Variants in CNTN5 observed in about 807,000 individuals in gnomAD.
CNTN5 encodes the protein contactin-5.
In CNTN5, 77 loss-of-function variants were observed where a neutral mutation model predicts 129.1. That is an observed-to-expected ratio of 0.60 (90% CI 0.50 to 0.72). CNTN5 has a LOEUF of 0.72. Ranked by LOEUF, CNTN5 falls within the 30% of genes least tolerant of loss-of-function variation. The probability of loss-of-function intolerance (pLI) is 0.00; values close to 1 mark genes in which losing one functional copy is unlikely to be tolerated. For missense variants in CNTN5, 1,478 were observed against 1,328.8 expected (o/e 1.11, Z -1.75); for synonymous variants, 509 against 465.6 (o/e 1.09, Z -1.20).
chr11:99,752,010 C>T (rs1944252726), intron 3 of CNTN5, among the ~76,000 whole-genome samples: 1 of 151,712 alleles, frequency 6.6e-6, no homozygotes, highest in African/African-American at 2.4e-5. Context: ...CCTCACCAGA[C>T]ACCAAATCCA....
chr11:99,300,809 A>C (rs1864601217), intron 1 of CNTN5, among the ~76,000 whole-genome samples: 1 of 152,018 alleles, frequency 6.6e-6, no homozygotes, highest in African/African-American at 2.4e-5. Flanking sequence ...GGCAGGTAAA[A>C]GTAACAATAA....
intron 7 of CNTN5, among the ~76,000 whole-genome samples, chr11:99,935,758 T>A (rs2136093466): frequency 6.6e-6 from 1 of 152,272 alleles, no homozygotes; most frequent in African/African-American, 2.4e-5. Flanking sequence ...CCTAGTCATT[T>A]GTGCACTAGT....
At chr11:99,456,295 G>C (rs745898597) in intron 2 of CNTN5, among the ~76,000 whole-genome samples, 6 of 152,052 alleles carry the variant, frequency 3.9e-5, no homozygotes, top group Admixed American at 6.6e-5. Flanking sequence ...GAAAACGTGA[G>C]AATGTTTTAG....
chr11:99,294,791 T>C (rs1202972206), intron 1 of CNTN5, among the ~76,000 whole-genome samples: 1 of 152,216 alleles, frequency 6.6e-6, no homozygotes, highest in African/African-American at 2.4e-5. Flanking sequence ...CAGTAGTTTC[T>C]CTTGGGCAGT....
At chr11:99,748,252 A>AT (rs1325686578) in intron 3 of CNTN5, among the ~76,000 whole-genome samples, 2 of 151,938 alleles carry the variant, frequency 1.3e-5, no homozygotes, top group East Asian at 3.9e-4. Flanking sequence ...CTCCTCTTTA[A>AT]TTTTAGGGAG....
intron 1 of CNTN5, among the ~76,000 whole-genome samples, chr11:99,149,139 C>T (rs982146803): frequency 3.3e-5 from 5 of 152,114 alleles, no homozygotes; most frequent in Non-Finnish European, 7.4e-5. Context: ...TAAGGATGAA[C>T]ATTTTAGCTA....
At chr11:99,921,086 AATC>A (rs879588174) in intron 7 of CNTN5, among the ~76,000 whole-genome samples, 4 of 152,202 alleles carry the variant, frequency 2.6e-5, no homozygotes, top group African/African-American at 4.8e-5. Context: ...GCTGTCACCT[AATC>A]CCAGACTTCC....
intron 4 of CNTN5, among the ~76,000 whole-genome samples, chr11:99,830,127 G>C (rs781679988): frequency 6.6e-6 from 1 of 152,032 alleles, no homozygotes; most frequent in South Asian, 2.1e-4. Flanking sequence ...TTTTTCGGGG[G>C]CGGGGAGCAT....
intron 17 of CNTN5, among the ~76,000 whole-genome samples, chr11:100,258,625 G>A (rs1232462458): frequency 7.3e-6 from 1 of 137,490 alleles, no homozygotes; most frequent in Non-Finnish European, 1.6e-5. Flanking sequence ...GAGAGTGGGG[G>A]CCAACATTCA....
At chr11:99,783,243 A>C (rs1363004241) in intron 3 of CNTN5, among the ~76,000 whole-genome samples, 1 of 103,762 alleles carries the variant, frequency 9.6e-6, no homozygotes. Context: ...TGGCCATCAG[A>C]GAAATGCAAA....
chr11:99,998,108 CCT>C (rs1480582274), intron 8 of CNTN5, among the ~76,000 whole-genome samples: 2 of 151,730 alleles, frequency 1.3e-5, no homozygotes, highest in African/African-American at 4.8e-5. Flanking sequence ...ACAGGGATGC[CCT>C]CTCTCACCAC....
chr11:100,208,324 G>C (rs531888915), intron 15 of CNTN5, among the ~76,000 whole-genome samples: 25 of 152,174 alleles, frequency 1.6e-4, no homozygotes, highest in African/African-American at 6.0e-4. Context: ...CAAGACTCAC[G>C]CATCTGCAAT....
rs748479631 is a variant in CNTN5 at position 99,662,709 on chromosome 11, C to T, written c.55+106440C>T. Among the ~76,000 whole-genome samples the T allele has an allele frequency of 1.7e-4, 26 of 152,138 alleles. 1 individual carries two copies. The highest frequency in any genetic ancestry group is 3.1e-4 in the Non-Finnish European group (21 of 68,016). ...TTTTAGGAGCTCAAGTACATTTGAA[C>T]ACTGCTGTGATCTGGAAATTTACAA... On this transcript the variant is annotated intron_variant, in intron 3 of 24. Coordinates refer to ENST00000524871, the MANE Select transcript of CNTN5 (RefSeq NM_014361.4).
At chr11:99,213,299 T>A (rs1371186958) in intron 1 of CNTN5, among the ~76,000 whole-genome samples, 2 of 145,596 alleles carry the variant, frequency 1.4e-5, no homozygotes, top group South Asian at 2.1e-4. Context: ...ATATAACATA[T>A]ATAATATATA....
At chr11:99,783,042 C>T (rs1169318272) in intron 3 of CNTN5, among the ~76,000 whole-genome samples, 1 of 148,362 alleles carries the variant, frequency 6.7e-6, no homozygotes, top group Non-Finnish European at 1.5e-5. Flanking sequence ...AGGCAACCTA[C>T]AAAATGGGAG....
chr11:99,724,069 C>T (rs1038171870), intron 3 of CNTN5, among the ~76,000 whole-genome samples: 1 of 152,160 alleles, frequency 6.6e-6, no homozygotes, highest in Non-Finnish European at 1.5e-5. Flanking sequence ...CACACACGTA[C>T]TCTTCAATCA....
At chr11:100,025,521 A>T (rs1373275565) in intron 9 of CNTN5, among the ~76,000 whole-genome samples, 1 of 152,154 alleles carries the variant, frequency 6.6e-6, no homozygotes, top group African/African-American at 2.4e-5. Context: ...CCCCAGAATG[A>T]TAGATCCACT....
chr11:100,198,889 G>A (rs1948711151), intron 15 of CNTN5, among the ~76,000 whole-genome samples: 1 of 151,870 alleles, frequency 6.6e-6, no homozygotes, highest in South Asian at 2.1e-4. Flanking sequence ...TTTTATATTA[G>A]CTGGAAAACT....
chr11:99,286,593 A>C (rs906292090), intron 1 of CNTN5, among the ~76,000 whole-genome samples: 2 of 152,176 alleles, frequency 1.3e-5, no homozygotes, highest in Non-Finnish European at 2.9e-5. Flanking sequence ...TGATGTCTAA[A>C]TCCTTAAAAT....
Sources: allele counts gnomAD v4.1 joint callset (sites outside exome capture counted in the v4.1 genomes callset), GRCh38; gene constraint gnomAD v4.1.1; transcripts MANE v1.5; gene names NCBI Gene and HGNC (gene_info 2026-07-23, HGNC 2026-07-21).